The following SYT1 variants were observed in gnomAD, a reference collection of about 807,000 sequenced individuals.
The protein encoded by SYT1 is synaptotagmin 1.
Under a neutral mutation model 44.8 loss-of-function variants are expected in SYT1, and 8 were observed. The ratio of observed to expected loss-of-function variants is 0.18; its 90% CI spans 0.10 to 0.32. The LOEUF (loss-of-function observed/expected upper bound fraction) is 0.32. Among genes scored for constraint, SYT1 ranks in the 10% least tolerant of loss-of-function variants. The pLI, the probability that SYT1 is intolerant of heterozygous loss-of-function variation, is 1.00. For synonymous variants in SYT1, 154 were observed against 188.8 expected, an observed-to-expected ratio of 0.82 and a Z score of 1.51; for missense variants, 286 against 509.3, an observed-to-expected ratio of 0.56 and a Z score of 4.22.
At position 79,207,844 on chromosome 12, in the gene SYT1, A is replaced by G. The variant is rs1592853238; in HGVS notation, c.-17-9659A>G. ...AAGCTTTTGCTCAACTTCAAGAGAC[A>G]GGGATGGGAGGGAATGAACACTGGA... On this transcript the variant is annotated intron_variant, in intron 3 of 10. Coordinates refer to ENST00000261205, the MANE Select transcript of SYT1 (RefSeq NM_005639.3). 2.6e-5 allele frequency among the ~76,000 whole-genome samples: 4 copies of G among 152,276 alleles called. 1 individual carries two copies. Among genetic ancestry groups the G allele is most frequent in the Admixed American group, 2.6e-4 (4 of 15,302 alleles).
chr12:79,308,640 GAAA>G, intron 8 of SYT1, among the ~76,000 whole-genome samples: 1 of 147,358 alleles, frequency 6.8e-6, no homozygotes, highest in Non-Finnish European at 1.5e-5. Flanking sequence ...AAGAAAGAAA[GAAA>G]GAAAGAAAGA....
chr12:79,389,878 T>C (rs1398267515), intron 9 of SYT1, among the ~76,000 whole-genome samples: 1 of 152,182 alleles, frequency 6.6e-6, no homozygotes, highest in Non-Finnish European at 1.5e-5. Flanking sequence ...CAATGCAAAT[T>C]ATGTCACTAA....
In SYT1 at chr12:78,906,696, T is replaced by A. The variant is rs548845128; in HGVS notation, c.-217+41587T>A. On this transcript the variant is annotated intron_variant, in intron 1 of 10. Transcript: ENST00000261205. ...GTCTTGATGCAGGTCGTGGACAGAC[T>A]GGGGGTGTCTGTCCTGGTGTAAGAA... is the stretch of plus-strand genomic sequence containing the variant. 5.3e-5 allele frequency among the ~76,000 whole-genome samples: 8 copies of A among 152,148 alleles called. No homozygotes were observed. In the South Asian group the frequency reaches 6.2e-4, roughly 12 times the overall value.
At chr12:78,923,636 A>T (rs940138674) in intron 1 of SYT1, among the ~76,000 whole-genome samples, 1 of 151,840 alleles carries the variant, frequency 6.6e-6, no homozygotes, top group African/African-American at 2.4e-5. Context: ...TAACTGCATG[A>T]ACTTCACTGA....
chr12:79,066,638 G>A (rs1264755307), intron 3 of SYT1, among the ~76,000 whole-genome samples: 1 of 152,024 alleles, frequency 6.6e-6, no homozygotes, highest in East Asian at 1.9e-4. Flanking sequence ...ATTTACAAAT[G>A]GGGATAATTA....
chr12:79,443,597 A>G (rs983869130), intron 9 of SYT1, among the ~76,000 whole-genome samples: 1 of 152,240 alleles, frequency 6.6e-6, no homozygotes, highest in South Asian at 2.1e-4. Flanking sequence ...AAATGAATAA[A>G]TGAATGAATG....
intron 5 of SYT1, among the ~76,000 whole-genome samples, chr12:79,286,278 T>C (rs969442002): frequency 1.3e-5 from 2 of 152,194 alleles, no homozygotes; most frequent in African/African-American, 2.4e-5. Context: ...CAGTCTTCAT[T>C]GCGTTTAGAG....
chr12:79,440,853 G>C (rs908517055), intron 9 of SYT1, among the ~76,000 whole-genome samples: 1 of 152,180 alleles, frequency 6.6e-6, no homozygotes, highest in African/African-American at 2.4e-5. Flanking sequence ...AACTCAACCA[G>C]TAGCTGAGGA....
chr12:78,916,138 T>A (rs1455029435), intron 1 of SYT1, among the ~76,000 whole-genome samples: 1 of 151,964 alleles, frequency 6.6e-6, no homozygotes, highest in Non-Finnish European at 1.5e-5. Flanking sequence ...CAGTTATCAG[T>A]TTTGTAGCTG....
chr12:79,411,981 C>T (rs1238969479), intron 9 of SYT1, among the ~76,000 whole-genome samples: 1 of 152,106 alleles, frequency 6.6e-6, no homozygotes, highest in Non-Finnish European at 1.5e-5. Flanking sequence ...CATGGCGAGT[C>T]TGTACAGGTC....
chr12:79,022,867 C>A (rs942580066), intron 2 of SYT1, among the ~76,000 whole-genome samples: 2 of 151,684 alleles, frequency 1.3e-5, no homozygotes, highest in Non-Finnish European at 2.9e-5. Context: ...TACAGCAAAA[C>A]AACCCAGGAT....
At chr12:78,875,852 G>C (rs116594524) in intron 1 of SYT1, among the ~76,000 whole-genome samples, 3 of 151,316 alleles carry the variant, frequency 2.0e-5, no homozygotes, top group Non-Finnish European at 4.4e-5. Flanking sequence ...TTTTATCTTC[G>C]GAAGAGTAGC....
chr12:79,196,079 A>G (rs1366871274), intron 3 of SYT1, among the ~76,000 whole-genome samples: 2 of 152,188 alleles, frequency 1.3e-5, no homozygotes, highest in African/African-American at 4.8e-5. Context: ...TTGCCCAGCC[A>G]GGTAGTTAAG....
intron 3 of SYT1, among the ~76,000 whole-genome samples, chr12:79,156,720 G>A (rs1240801971): frequency 3.9e-5 from 6 of 152,146 alleles, no homozygotes; most frequent in Non-Finnish European, 8.8e-5. Flanking sequence ...GCCCGCCTCA[G>A]CCTCCCAAAG....
intron 3 of SYT1, among the ~76,000 whole-genome samples, chr12:79,206,206 A>G (rs1874115841): frequency 6.6e-6 from 1 of 152,260 alleles, no homozygotes; most frequent in South Asian, 2.1e-4. Flanking sequence ...TCTGTTCTCA[A>G]TACTCAGATT....
chr12:79,144,519 C>T (rs1397422255), intron 3 of SYT1, among the ~76,000 whole-genome samples: 1 of 152,202 alleles, frequency 6.6e-6, no homozygotes, highest in African/African-American at 2.4e-5. Flanking sequence ...AGATGCCAGG[C>T]ATCCATGGCC....
chr12:79,448,336 A>G (rs926778701), intron 10 of SYT1, among the ~76,000 whole-genome samples: 6 of 152,234 alleles, frequency 3.9e-5, no homozygotes, highest in African/African-American at 1.4e-4. Flanking sequence ...TTTTCACTAT[A>G]CTATCATGTT....
intron 8 of SYT1, among the ~76,000 whole-genome samples, chr12:79,344,727 T>C (rs1882530810): frequency 6.6e-6 from 1 of 152,110 alleles, no homozygotes; most frequent in African/African-American, 2.4e-5. Flanking sequence ...AAAGTGCTGG[T>C]ATTACAGCCA....
intron 1 of SYT1, among the ~76,000 whole-genome samples, chr12:78,952,794 A>T (rs1272461183): frequency 6.6e-6 from 1 of 152,152 alleles, no homozygotes; most frequent in Non-Finnish European, 1.5e-5. Context: ...CCCTTTCTCC[A>T]TCATGAAAAC....
Sources: gnomAD v4.1 joint callset for allele counts (sites outside exome capture counted in the v4.1 genomes callset) on GRCh38, gnomAD v4.1.1 for gene constraint, MANE v1.5 for transcripts, NCBI Gene and HGNC (gene_info 2026-07-23, HGNC 2026-07-21) for gene names.